Variants in ESRRB observed in about 807,000 individuals in gnomAD.
The protein encoded by ESRRB is estrogen related receptor beta, also known as steroid hormone receptor ERR2.
In ESRRB, 16 loss-of-function variants were observed where a neutral mutation model predicts 46.0. The ratio of observed to expected loss-of-function variants is 0.35; its 90% CI spans 0.24 to 0.53. The LOEUF is 0.53. Ranked by LOEUF, ESRRB falls within the 20% of genes least tolerant of loss-of-function variation. ESRRB has a pLI of 0.93. For missense variants in ESRRB, 488 were observed against 607.4 expected, an observed-to-expected ratio of 0.80 and a Z score of 2.07; for synonymous variants, 246 against 259.6, an observed-to-expected ratio of 0.95 and a Z score of 0.50.
chr14:76,318,552 C>T (rs984795738), intron 1 of ESRRB, among the ~76,000 whole-genome samples: 1 of 152,158 alleles, frequency 6.6e-6, no homozygotes, highest in African/African-American at 2.4e-5. Context: ...CACGTTGTAA[C>T]AGTTGTGACC....
At chr14:76,375,477 T>C (rs1288511234), upstream of ESRRB, among the ~76,000 whole-genome samples, 1 of 152,190 alleles carries the variant, frequency 6.6e-6, no homozygotes, top group East Asian at 1.9e-4. Context: ...GTGTCCTGGG[T>C]ACATTTCAGA....
At chr14:76,384,328 C>T (rs1885132599) in intron 1 of ESRRB, among the ~76,000 whole-genome samples, 1 of 152,058 alleles carries the variant, frequency 6.6e-6, no homozygotes, top group South Asian at 2.1e-4. Flanking sequence ...CAGCTTGTAC[C>T]TTTTTCTTCC....
chr14:76,328,350 G>A (rs1883961015), intron 1 of ESRRB, among the ~76,000 whole-genome samples: 1 of 152,202 alleles, frequency 6.6e-6, no homozygotes, highest in South Asian at 2.1e-4. Context: ...AGTTGGCCTA[G>A]GAATGAGATA....
chr14:76,489,272 C>T (rs1219275536), intron 5 of ESRRB, among the ~76,000 whole-genome samples: 1 of 152,064 alleles, frequency 6.6e-6, no homozygotes, highest in African/African-American at 2.4e-5. Context: ...AACACACTCT[C>T]CGGTGCTGGC....
At chr14:76,426,516 G>A (rs922540768) in intron 1 of ESRRB, among the ~76,000 whole-genome samples, 2 of 152,108 alleles carry the variant, frequency 1.3e-5, no homozygotes, top group Admixed American at 6.6e-5. Context: ...TATTGCAAGG[G>A]ACACCATGAT....
chr14:76,358,885 C>A (rs1884430787), intron 1 of ESRRB, among the ~76,000 whole-genome samples: 1 of 152,126 alleles, frequency 6.6e-6, no homozygotes, highest in Non-Finnish European at 1.5e-5. Flanking sequence ...GCTTGAGAAT[C>A]TTCTCCATGA....
chr14:76,419,460 G>C (rs1040401839), intron 1 of ESRRB, among the ~76,000 whole-genome samples: 2 of 152,090 alleles, frequency 1.3e-5, no homozygotes, highest in South Asian at 4.1e-4. Flanking sequence ...TTATCCTGGG[G>C]GTGAGAATAT....
At chr14:76,443,841 T>C (rs1247401280) in intron 2 of ESRRB, among the ~76,000 whole-genome samples, 1 of 152,210 alleles carries the variant, frequency 6.6e-6, no homozygotes, top group African/African-American at 2.4e-5. Flanking sequence ...CTACCGCGAA[T>C]AGGATAATGA....
chr14:76,403,195 C>T (rs928834684), intron 1 of ESRRB, among the ~76,000 whole-genome samples: 4 of 152,170 alleles, frequency 2.6e-5, no homozygotes, highest in African/African-American at 9.7e-5. Flanking sequence ...CCACTTTTTG[C>T]ATTAGGAACT....
intron 1 of ESRRB, among the ~76,000 whole-genome samples, chr14:76,340,020 T>C (rs569097414): frequency 1.1e-4 from 16 of 152,030 alleles, no homozygotes; most frequent in African/African-American, 3.9e-4. Context: ...GGCAGTTCCA[T>C]CTCGGGGCAG....
At chr14:76,491,002 A>G (rs947083040) in intron 5 of ESRRB, among the ~76,000 whole-genome samples, 2 of 152,058 alleles carry the variant, frequency 1.3e-5, no homozygotes, top group Non-Finnish European at 1.5e-5. Context: ...GTCATTTTCA[A>G]ATACCAAAGC....
Position 76,376,896 on chromosome 14 carries a change from A to G in ESRRB, c.50+445A>G, listed in dbSNP as rs1884790109. ...TTTATTATTTCCATCCTGGGGACCA[A>G]AAATGATCCCGGCAAGAGAGAGAAA... is the stretch of plus-strand genomic sequence containing the variant. On this transcript the variant is annotated intron_variant, in intron 1 of 6. Coordinates refer to ENST00000644823, the MANE Select transcript of ESRRB (RefSeq NM_001379180.1). This position sits in a 1 kb window ranked among gnomAD's most constrained non-coding sequence, Gnocchi z 4.1. Among the ~76,000 whole-genome samples, 1 of 152,216 alleles carries G rather than the reference A, an allele frequency of 6.6e-6. No individual in the cohort carries two copies. The highest frequency in any genetic ancestry group is 1.5e-5 in the Non-Finnish European group (1 of 68,038).
chr14:76,354,234 C>CG (rs1566858731), intron 1 of ESRRB, among the ~76,000 whole-genome samples: 1 of 98,372 alleles, frequency 1.0e-5, no homozygotes, highest in African/African-American at 5.2e-5. Context: ...GCCCCCCCCC[C>CG]CACCCACACT....
intron 2 of ESRRB, among the ~76,000 whole-genome samples, chr14:76,452,241 C>T (rs1888414106): frequency 1.3e-5 from 2 of 151,986 alleles, no homozygotes; most frequent in African/African-American, 4.8e-5. Flanking sequence ...CATCCGGCCA[C>T]AGGAAGCAAT....
In ESRRB at chr14:76,494,060, G is replaced by A. The variant is rs548752243; in HGVS notation, c.1120+2344G>A. Among the ~76,000 whole-genome samples the A allele has an allele frequency of 5.9e-5, 9 of 152,222 alleles. No individual in the cohort carries two copies. The South Asian group carries it at 6.2e-4, about 11-fold the overall frequency. ...CCTTTCTCCTGAACACATGCCCCCC[G>A]TAAATGTCTGTACCTAAACCCTTGC... On this transcript the variant is annotated intron_variant, in intron 6 of 6. Coordinates refer to ENST00000644823, the MANE Select transcript of ESRRB (RefSeq NM_001379180.1).
intron 1 of ESRRB, among the ~76,000 whole-genome samples, chr14:76,427,469 T>A (rs139691966): frequency 6.6e-6 from 1 of 152,198 alleles, no homozygotes; most frequent in East Asian, 1.9e-4. Context: ...GTTCTAGCAG[T>A]GCCTGAATAT....
rs72627175 is a variant in ESRRB, at chr14:76,404,822, A to G, written c.50+28371A>G. On this transcript the variant is annotated intron_variant, in intron 1 of 6. Coordinates refer to ENST00000644823, the MANE Select transcript of ESRRB (RefSeq NM_001379180.1). ...TCAGAGATGATAAATAGGGCACGGT[A>G]ATCAGATCAGTATTTTGTTGTGGGC... Among the ~76,000 whole-genome samples, 3,091 of 152,290 alleles carry G rather than the reference A, an allele frequency of 0.02. 233 individuals are homozygous for G. In the East Asian group the frequency reaches 0.23, roughly 11 times the overall value.
chr14:76,347,077 G>A (rs879632102), intron 1 of ESRRB, among the ~76,000 whole-genome samples: 20 of 152,150 alleles, frequency 1.3e-4, no homozygotes, highest in Non-Finnish European at 2.1e-4. Context: ...TGACACCTTT[G>A]TCCCTTACCC....
At position 76,482,548 on chromosome 14, in the gene ESRRB, C is replaced by A; in HGVS notation, c.689-50C>A. 6.2e-7 allele frequency: 1 copy of A among 1,609,210 alleles called. No individual in the cohort carries two copies. Among genetic ancestry groups the A allele is most frequent in the Non-Finnish European group, 8.5e-7 (1 of 1,175,806 alleles). On this transcript the variant is annotated intron_variant, in intron 4 of 6. Coordinates refer to ENST00000644823, the MANE Select transcript of ESRRB (RefSeq NM_001379180.1). This position sits in a 1 kb window ranked among gnomAD's most constrained non-coding sequence, Gnocchi z 4.3. ...TGACCCATCTGAGCCTCCACCCCGG[C>A]CCCTTTCCTCTTTTCCCAGCATTTA...
Sources: gnomAD v4.1 joint callset for allele counts (sites outside exome capture counted in the v4.1 genomes callset) on GRCh38, gnomAD v4.1.1 for gene constraint, Gnocchi (gnomAD v3.1) non-coding constraint, MANE v1.5 for transcripts, NCBI Gene and HGNC (gene_info 2026-07-23, HGNC 2026-07-21) for gene names.